Variants in ACER2 observed in about 807,000 individuals in gnomAD.
ACER2 encodes the protein alkaline ceramidase 2, also known as alkCDase 2.
A neutral mutation model predicts 34.7 loss-of-function variants in ACER2; 26 were observed. The ratio of observed to expected loss-of-function variants is 0.75; its 90% CI spans 0.55 to 1.04. The LOEUF is 1.04. Ranked by LOEUF, ACER2 falls within the 50% of genes least tolerant of loss-of-function variation. The probability of loss-of-function intolerance (pLI) is 0.00; values close to 1 mark genes in which losing one functional copy is unlikely to be tolerated. For synonymous variants in ACER2, 138 were observed against 132.1 expected (o/e 1.04, Z -0.31); for missense variants, 352 against 340.8 (o/e 1.03, Z -0.26).
At chr9:19,434,896 C>G in intron 3 of ACER2, 51 bp from the exon 4 acceptor site, 1 of 1,604,932 alleles carries the variant, frequency 6.2e-7, no homozygotes. Context: ...AACAAACAAA[C>G]AAACAAGAAC....
intron 3 of ACER2, among the ~76,000 whole-genome samples, chr9:19,433,468 G>C (rs1297567317): frequency 6.6e-6 from 1 of 151,896 alleles, no homozygotes; most frequent in Admixed American, 6.6e-5. Flanking sequence ...CACAGGGTTG[G>C]GGGTAAGGTC....
chr9:19,431,860 T>C (rs1302383229), intron 3 of ACER2, among the ~76,000 whole-genome samples: 1 of 152,216 alleles, frequency 6.6e-6, no homozygotes, highest in East Asian at 1.9e-4. Flanking sequence ...TCAATGCCCT[T>C]TGATTTCTTT....
intron 3 of ACER2, among the ~76,000 whole-genome samples, chr9:19,425,212 T>C (rs1031413751): frequency 6.6e-6 from 1 of 152,212 alleles, no homozygotes; most frequent in African/African-American, 2.4e-5. Context: ...ACTCCACCAG[T>C]TTTATACATA....
At chr9:19,444,388 A>AT (rs34791719) in intron 4 of ACER2, among the ~76,000 whole-genome samples, 1 of 151,688 alleles carries the variant, frequency 6.6e-6, no homozygotes, top group East Asian at 1.9e-4. Flanking sequence ...ATTTTTTTGT[A>AT]TTTTTAGTAG....
rs956752948 is a variant in ACER2, at chr9:19,424,030, G to C, written c.223+54G>C. ...TTAATGGGGTGGTGGGATGGGGGTA[G>C]AAGGAATTCCACACACTTCCTCTCC... On this transcript the variant is annotated intron_variant, in intron 2 of 5. Coordinates refer to ENST00000340967, the MANE Select transcript of ACER2 (RefSeq NM_001010887.3). 3.7e-6 allele frequency: 5 copies of C among 1,354,584 alleles called. No homozygotes were observed. The African/African-American group carries it at 7.2e-5, about 19-fold the overall frequency. 83.9% of individuals were successfully genotyped at this position (1,354,584 alleles called of 1,614,324 possible). A position where few individuals can be genotyped will look rare whatever the true frequency, so the allele number is the denominator to read the frequency against.
At position 19,451,963 on chromosome 9, in the gene ACER2, C is replaced by T. The variant is rs1831584161; in HGVS notation, c.*1327C>T. 6.6e-6 allele frequency: 1 copy of T among 152,402 alleles called. No homozygotes were observed. Among genetic ancestry groups the T allele is most frequent in the Non-Finnish European group, 1.5e-5 (1 of 68,020 alleles). The allele number at this position is 152,402 out of a possible 1,614,324, so 9.4% of individuals were successfully genotyped here. On this transcript the variant is annotated 3_prime_UTR_variant, in exon 6 of 6. Transcript: ENST00000340967. The stretch of plus-strand genomic sequence containing the variant: ...ACGGCTCACCTTTCTCAAGTGCTGG[C>T]AGTAGCTATGCACTCACGGGCTGGT...
intron 1 of ACER2, among the ~76,000 whole-genome samples, chr9:19,417,322 C>T (rs1422170723): frequency 6.6e-6 from 1 of 152,192 alleles, no homozygotes; most frequent in Non-Finnish European, 1.5e-5. Flanking sequence ...AGATTCAGTG[C>T]TATCCCCATC....
At chr9:19,426,555 A>AT (rs1018300273) in intron 3 of ACER2, among the ~76,000 whole-genome samples, 1 of 152,140 alleles carries the variant, frequency 6.6e-6, no homozygotes, top group African/African-American at 2.4e-5. Context: ...TGAGTAAGAA[A>AT]TTGAAGAAAT....
chr9:19,409,149 A>T lies in ACER2; in HGVS notation c.65A>T (p.Asp22Val). Reference protein sequence around the residue: ...AGSSEVDWCEDNYTIVPAIAE... With the variant: ...AGSSEVDWCEVNYTIVPAIAE... ...AGCTCGGAGGTGGACTGGTGCGAGG[A>T]CAACTACACCATCGTGCCTGCTATC... The change falls in exon 1 of 6, where the codon GAC (aspartate) becomes GTC (valine). Residue 22 changes from aspartate to valine, a missense_variant. Asp to Val is a radical substitution (Grantham distance 152). Coordinates refer to ENST00000340967, the MANE Select transcript of ACER2 (RefSeq NM_001010887.3). The T allele has an allele frequency of 6.2e-7, 1 of 1,607,146 alleles. No homozygotes were observed. Among genetic ancestry groups the T allele is most frequent in the Non-Finnish European group, 8.5e-7 (1 of 1,177,320 alleles).
intron 4 of ACER2, among the ~76,000 whole-genome samples, chr9:19,439,926 G>C (rs982363867): frequency 4.6e-5 from 7 of 152,076 alleles, no homozygotes; most frequent in African/African-American, 1.2e-4. Context: ...GAGATGTGGA[G>C]ATCACGCCAT....
intron 1 of ACER2, among the ~76,000 whole-genome samples, chr9:19,419,088 G>A (rs1391701720): frequency 1.3e-5 from 2 of 152,106 alleles, no homozygotes; most frequent in African/African-American, 4.8e-5. Flanking sequence ...CTACTTGGAA[G>A]GCTGAGGCAG....
At chr9:19,411,390 T>TA (rs202126959) in intron 1 of ACER2, among the ~76,000 whole-genome samples, 12 of 152,180 alleles carry the variant, frequency 7.9e-5, no homozygotes, top group African/African-American at 2.9e-4. Context: ...TGTTGCTATT[T>TA]AAAAAAATTT....
chr9:19,447,133 G>A (rs1831400116), intron 5 of ACER2, among the ~76,000 whole-genome samples: 1 of 152,146 alleles, frequency 6.6e-6, no homozygotes. Flanking sequence ...CTCAAACCCA[G>A]AGTGATCTTT....
chr9:19,448,513 GCAAA>G (rs1831450830), intron 5 of ACER2, among the ~76,000 whole-genome samples: 1 of 151,800 alleles, frequency 6.6e-6, no homozygotes, highest in African/African-American at 2.4e-5. Flanking sequence ...TTCCACTTTT[GCAAA>G]CACTTTATAA....
At chr9:19,430,897 T>G (rs1029151474) in intron 3 of ACER2, among the ~76,000 whole-genome samples, 3 of 151,894 alleles carry the variant, frequency 2.0e-5, no homozygotes, top group African/African-American at 7.3e-5. Context: ...GGCAGAGGTT[T>G]CAGTGAGCTG....
chr9:19,421,616 G>A (rs1273919373), intron 1 of ACER2, among the ~76,000 whole-genome samples: 1 of 152,128 alleles, frequency 6.6e-6, no homozygotes, highest in Non-Finnish European at 1.5e-5. Context: ...AGGAGTGACT[G>A]CTTAATGAGA....
chr9:19,424,400 G>A (rs1200789613), intron 2 of ACER2: 1 of 985,446 alleles, frequency 1.0e-6, no homozygotes, highest in Non-Finnish European at 1.2e-6. Flanking sequence ...GTGAAGGAAT[G>A]TTGACTTTTA....
chr9:19,439,302 A>G (rs966832365), intron 4 of ACER2, among the ~76,000 whole-genome samples: 7 of 150,318 alleles, frequency 4.7e-5, no homozygotes, highest in African/African-American at 1.7e-4. Flanking sequence ...TCACTCCTGT[A>G]CATTGTCCTC....
At chr9:19,416,650 C>T (rs1439634842) in intron 1 of ACER2, among the ~76,000 whole-genome samples, 3 of 151,770 alleles carry the variant, frequency 2.0e-5, no homozygotes, top group South Asian at 2.1e-4. Context: ...CTTAGCCTCC[C>T]GAGTAGGTGG....
Sources: allele counts gnomAD v4.1 joint callset (sites outside exome capture counted in the v4.1 genomes callset), GRCh38; gene constraint gnomAD v4.1.1; transcripts MANE v1.5; gene names NCBI Gene and HGNC (gene_info 2026-07-23, HGNC 2026-07-21).